Variants in NALF1 observed in about 807,000 individuals in gnomAD.
The protein encoded by NALF1 is family with sequence similarity 155 member A.
A neutral mutation model predicts 48.4 loss-of-function variants in NALF1; 3 were observed. The observed-to-expected ratio is 0.06, with a 90% CI of 0.03 to 0.16. NALF1 has a LOEUF of 0.16. NALF1 is among the 10% of genes least tolerant of loss of function. The pLI is 1.00. For synonymous variants in NALF1, 262 were observed against 245.7 expected (o/e 1.07, Z -0.62); for missense variants, 526 against 571.5 (o/e 0.92, Z 0.81).
intron 1 of NALF1, among the ~76,000 whole-genome samples, chr13:107,512,909 G>A (rs972694646): frequency 2.0e-5 from 3 of 152,054 alleles, no homozygotes; most frequent in Admixed American, 1.3e-4. Flanking sequence ...CTCCAGAGTC[G>A]AGTTCCGCCT....
intron 1 of NALF1, among the ~76,000 whole-genome samples, chr13:107,714,565 G>A (rs776604111): frequency 6.8e-6 from 1 of 147,688 alleles, no homozygotes; most frequent in Non-Finnish European, 1.5e-5. Context: ...TACTTGGGAG[G>A]TTGCAGTGAG....
chr13:107,537,073 C>CCAGT (rs1876844713), intron 1 of NALF1, among the ~76,000 whole-genome samples: 1 of 152,006 alleles, frequency 6.6e-6, no homozygotes, highest in Admixed American at 6.6e-5. Context: ...CACACCAGGG[C>CCAGT]CAGTCGTGGG....
At chr13:107,442,587 T>A (rs1271891901) in intron 1 of NALF1, among the ~76,000 whole-genome samples, 1 of 152,208 alleles carries the variant, frequency 6.6e-6, no homozygotes, top group East Asian at 1.9e-4. Flanking sequence ...TGTCATTGGA[T>A]GTGATCAGGG....
In NALF1 at chr13:107,384,253, AAAAACAAAACAAAAC is replaced by A. The variant is rs529162085; in HGVS notation, c.916-173513_916-173499del. On this transcript the variant is annotated intron_variant, in intron 1 of 2. Coordinates refer to ENST00000375915, the MANE Select transcript of NALF1 (RefSeq NM_001080396.3). The stretch of plus-strand genomic sequence containing the variant: ...GGGCGACTGAGTGAGATCCTGTCTC[AAAAACAAAACAAAAC>A]AAAACAAAACAAAAACAAACAAAAA... Among the ~76,000 whole-genome samples, 51 of 151,944 alleles carry A rather than the reference AAAAACAAAACAAAAC, an allele frequency of 3.4e-4. No individual in the cohort carries two copies. In the East Asian group the frequency reaches 7.8e-3, roughly 23 times the overall value.
At chr13:107,572,524 A>T (rs1218171566) in intron 1 of NALF1, among the ~76,000 whole-genome samples, 1 of 152,176 alleles carries the variant, frequency 6.6e-6, no homozygotes, top group Non-Finnish European at 1.5e-5. Flanking sequence ...TCTGTGAGTA[A>T]CAAAATTCCC....
At chr13:107,237,852 C>T (rs1033633686) in intron 1 of NALF1, among the ~76,000 whole-genome samples, 1 of 152,180 alleles carries the variant, frequency 6.6e-6, no homozygotes, top group African/African-American at 2.4e-5. Flanking sequence ...CAATTGGACA[C>T]ATTGGTTTAT....
chr13:107,216,315 C>T (rs893544390), intron 1 of NALF1, among the ~76,000 whole-genome samples: 2 of 152,198 alleles, frequency 1.3e-5, no homozygotes, highest in African/African-American at 2.4e-5. Flanking sequence ...TAAATTTTCA[C>T]GTTCCTATGT....
intron 1 of NALF1, among the ~76,000 whole-genome samples, chr13:107,392,138 C>T (rs1193339213): frequency 1.3e-5 from 2 of 152,078 alleles, no homozygotes; most frequent in Admixed American, 6.6e-5. Flanking sequence ...CTTGTTTCTG[C>T]TTGTCTCCCT....
At position 107,867,339 on chromosome 13, in the gene NALF1, G is replaced by C. The variant is rs1304004017; in HGVS notation, c.-743C>G. ...GCCGCCGCCGCCGCCGCTGCCGCAGGGCCGCCCGCGGGCGCCGCCGCCGGG... is the reference window on the plus strand; with the variant it reads ...GCCGCCGCCGCCGCCGCTGCCGCAGCGCCGCCCGCGGGCGCCGCCGCCGGG... On this transcript the variant is annotated 5_prime_UTR_variant, in exon 1 of 3. Coordinates refer to ENST00000375915, the MANE Select transcript of NALF1 (RefSeq NM_001080396.3). This position sits in a 1 kb window ranked among gnomAD's most constrained non-coding sequence, Gnocchi z 4.4. 1.6e-5 allele frequency among the ~76,000 whole-genome samples: 2 copies of C among 123,176 alleles called. No homozygotes were observed. The highest frequency in any genetic ancestry group is 3.3e-5 in the Non-Finnish European group (2 of 61,094). 80.8% of individuals were successfully genotyped at this position (123,176 alleles called of 152,430 possible). A position where few individuals can be genotyped will look rare whatever the true frequency, so the allele number is the denominator to read the frequency against.
At chr13:107,853,617 C>G (rs1880372770) in intron 1 of NALF1, among the ~76,000 whole-genome samples, 1 of 152,092 alleles carries the variant, frequency 6.6e-6, no homozygotes, top group African/African-American at 2.4e-5. Context: ...CTTAGTATCA[C>G]AATACTGCAA....
Position 107,624,081 on chromosome 13 carries a change from C to T in NALF1, c.915+241601G>A, listed in dbSNP as rs371333807. On this transcript the variant is annotated intron_variant, in intron 1 of 2. Coordinates refer to ENST00000375915, the MANE Select transcript of NALF1 (RefSeq NM_001080396.3). ...GTAAAAATGTTCTGGAATATTATGG[C>T]ACTAGCTTCCTGATGGAGAATAACT... Among the ~76,000 whole-genome samples the T allele has an allele frequency of 2.4e-4, 37 of 152,218 alleles. No homozygotes were observed. In the South Asian group the frequency reaches 7.5e-3, roughly 31 times the overall value.
At position 107,672,311 on chromosome 13, in the gene NALF1, T is replaced by C. The variant is rs117536388; in HGVS notation, c.915+193371A>G. The stretch of plus-strand genomic sequence containing the variant: ...TTTCAATCTAATAATATCTCACACA[T>C]ATTCGTCAAGGCGTTTACCTTTGAG... On this transcript the variant is annotated intron_variant, in intron 1 of 2. Coordinates refer to ENST00000375915, the MANE Select transcript of NALF1 (RefSeq NM_001080396.3). Among the ~76,000 whole-genome samples the C allele has an allele frequency of 5.0e-3, 757 of 152,318 alleles. 4 individuals carry two copies. Among genetic ancestry groups the C allele is most frequent in the Non-Finnish European group, 6.7e-3 (455 of 68,032 alleles).
chr13:107,797,069 C>T (rs1486288366), intron 1 of NALF1, among the ~76,000 whole-genome samples: 1 of 152,216 alleles, frequency 6.6e-6, no homozygotes, highest in Non-Finnish European at 1.5e-5. Context: ...TCATGGCCAC[C>T]AAAAAGCTTT....
chr13:107,339,999 C>T (rs1468801042), intron 1 of NALF1, among the ~76,000 whole-genome samples: 3 of 152,016 alleles, frequency 2.0e-5, no homozygotes, highest in African/African-American at 7.2e-5. Context: ...AAGTAATTGT[C>T]ATTTGCAGTT....
chr13:107,604,198 T>C (rs370062912), intron 1 of NALF1, among the ~76,000 whole-genome samples: 1 of 152,190 alleles, frequency 6.6e-6, no homozygotes, highest in East Asian at 1.9e-4. Flanking sequence ...TATAACTGCA[T>C]TCTTGCCAAT....
intron 1 of NALF1, among the ~76,000 whole-genome samples, chr13:107,763,059 G>C (rs1028537662): frequency 2.0e-5 from 3 of 150,158 alleles, no homozygotes; most frequent in Non-Finnish European, 4.4e-5. Flanking sequence ...TTTTCTAGTG[G>C]GCCACAAATT....
chr13:107,506,868 C>CT (rs1204210364), intron 1 of NALF1, among the ~76,000 whole-genome samples: 3 of 150,614 alleles, frequency 2.0e-5, no homozygotes, highest in East Asian at 1.9e-4. Flanking sequence ...TTTCAATTGA[C>CT]TTTTTTTTTA....
intron 1 of NALF1, among the ~76,000 whole-genome samples, chr13:107,360,189 A>G (rs1883036546): frequency 6.6e-6 from 1 of 152,180 alleles, no homozygotes; most frequent in Non-Finnish European, 1.5e-5. Context: ...ATTGCAATGG[A>G]AATAAAATGA....
intron 1 of NALF1, among the ~76,000 whole-genome samples, chr13:107,783,857 C>G (rs149448099): frequency 0.022 from 2,809 of 127,128 alleles, 41 homozygotes; most frequent in Non-Finnish European, 0.034. Flanking sequence ...CAAGAATGAT[C>G]AATAAAAATA....
Sources: allele counts gnomAD v4.1 joint callset (sites outside exome capture counted in the v4.1 genomes callset), GRCh38; gene constraint gnomAD v4.1.1; non-coding constraint Gnocchi (gnomAD v3.1); transcripts MANE v1.5; gene names NCBI Gene and HGNC (gene_info 2026-07-23, HGNC 2026-07-21).